OLA1: variants seen among roughly 807,000 people sequenced by gnomAD.
OLA1 encodes the protein obg-like ATPase 1.
OLA1 carries 14 observed loss-of-function variants against 48.4 expected under a neutral mutation model. That is an observed-to-expected ratio of 0.29 (90% confidence interval 0.19 to 0.45). The LOEUF (loss-of-function observed/expected upper bound fraction) is 0.45, where lower values mean the gene tolerates loss of function less well. Ranked by LOEUF, OLA1 falls within the 20% of genes least tolerant of loss-of-function variation. The probability of loss-of-function intolerance (pLI) is 1.00; values close to 1 mark genes in which losing one functional copy is unlikely to be tolerated. For missense variants in OLA1, 325 were observed against 467.1 expected (o/e 0.70, Z 2.80); for synonymous variants, 127 against 150.4 (o/e 0.84, Z 1.14).
At chr2:174,173,521 C>T in intron 4 of OLA1, among the ~76,000 whole-genome samples, 1 of 151,386 alleles carries the variant, frequency 6.6e-6, no homozygotes, top group South Asian at 2.1e-4. Context: ...TTTTTAAGAA[C>T]TTCATTTTAA....
At chr2:174,215,017 T>C (rs1574556479) in intron 4 of OLA1, among the ~76,000 whole-genome samples, 1 of 148,560 alleles carries the variant, frequency 6.7e-6, no homozygotes, top group Non-Finnish European at 1.5e-5. Context: ...GCCATTACAC[T>C]CCAGCCTGGG....
chr2:174,248,352 T>G (rs902590991), intron 1 of OLA1, 100 bp downstream of exon 1: 2 of 154,072 alleles, frequency 1.3e-5, no homozygotes, highest in African/African-American at 2.4e-5. Context: ...TGGCCCCATC[T>G]TGGCCACTGG....
intron 5 of OLA1, among the ~76,000 whole-genome samples, chr2:174,137,062 TAGTTAC>T: frequency 6.6e-6 from 1 of 152,150 alleles, no homozygotes; most frequent in Admixed American, 6.6e-5. Flanking sequence ...CTACCTATGA[TAGTTAC>T]AGTCTTATGA....
chr2:174,121,913 T>C (rs1279377743), intron 7 of OLA1, among the ~76,000 whole-genome samples: 1 of 152,208 alleles, frequency 6.6e-6, no homozygotes, highest in Admixed American at 6.5e-5. Context: ...ATGTCTGTAT[T>C]GTTTCACAGA....
At chr2:174,124,408 CT>C (rs1685999939) in intron 5 of OLA1, 1 of 152,182 alleles carries the variant, frequency 6.6e-6, no homozygotes, top group Non-Finnish European at 1.5e-5. Context: ...GCCCAATGTG[CT>C]TTGTTTCTCT....
chr2:174,102,619 T>C (rs1455689561), intron 7 of OLA1, among the ~76,000 whole-genome samples: 1 of 152,150 alleles, frequency 6.6e-6, no homozygotes, highest in African/African-American at 2.4e-5. Flanking sequence ...CATGATCTAC[T>C]TTCCAGACTA....
intron 4 of OLA1, among the ~76,000 whole-genome samples, chr2:174,159,313 T>C (rs543156310): frequency 3.3e-4 from 50 of 152,304 alleles, no homozygotes; most frequent in Non-Finnish European, 5.9e-4. Context: ...GCCACGGCTA[T>C]ATTGGTCTAC....
chr2:174,104,174 A>G (rs1685461297), intron 7 of OLA1, among the ~76,000 whole-genome samples: 1 of 151,850 alleles, frequency 6.6e-6, no homozygotes, highest in Non-Finnish European at 1.5e-5. Context: ...ACACAACACT[A>G]TATAATTACT....
intron 7 of OLA1, among the ~76,000 whole-genome samples, chr2:174,092,041 C>T (rs191879169): frequency 6.0e-5 from 9 of 149,844 alleles, no homozygotes; most frequent in Admixed American, 3.3e-4. Flanking sequence ...AACAGAGAAT[C>T]ACTTGAACCT....
chr2:174,226,878 C>A (rs1001259910), intron 3 of OLA1, among the ~76,000 whole-genome samples: 1 of 152,002 alleles, frequency 6.6e-6, no homozygotes, highest in Non-Finnish European at 1.5e-5. Flanking sequence ...ATTACTTGAG[C>A]CCAGGAGTTC....
At chr2:174,178,594 T>A (rs1420602442) in intron 4 of OLA1, among the ~76,000 whole-genome samples, 1 of 152,014 alleles carries the variant, frequency 6.6e-6, no homozygotes, top group African/African-American at 2.4e-5. Context: ...GCATGCGTTA[T>A]GTCAGCTAAC....
chr2:174,120,847 CCT>C (rs1484292080), intron 7 of OLA1, among the ~76,000 whole-genome samples: 1 of 152,138 alleles, frequency 6.6e-6, no homozygotes, highest in Non-Finnish European at 1.5e-5. Context: ...CCTCTCCTCT[CCT>C]CTTTCTTGAT....
chr2:174,213,843 T>C (rs1688301915), intron 4 of OLA1, among the ~76,000 whole-genome samples: 1 of 152,142 alleles, frequency 6.6e-6, no homozygotes, highest in Admixed American at 6.5e-5. Flanking sequence ...TCATTAGCAA[T>C]GTCATTTGTA....
intron 5 of OLA1, chr2:174,124,335 G>A (rs1399755276): frequency 1.3e-5 from 2 of 152,068 alleles, no homozygotes; most frequent in East Asian, 3.9e-4. Context: ...CTCTCTGCTG[G>A]AAATCTAAAG....
At chr2:174,163,769 TA>T (rs556766142) in intron 4 of OLA1, among the ~76,000 whole-genome samples, 8 of 28,580 alleles carry the variant, frequency 2.8e-4, no homozygotes, top group Non-Finnish European at 3.9e-4. Context: ...TATATATATA[TA>T]TATATAAATA....
intron 4 of OLA1, among the ~76,000 whole-genome samples, chr2:174,146,027 GA>G (rs1232607735): frequency 2.0e-5 from 3 of 152,218 alleles, no homozygotes; most frequent in Non-Finnish European, 4.4e-5. Flanking sequence ...CGGCCAGAGG[GA>G]GGCAGTAATG....
chr2:174,234,973 G>A (rs925554697), intron 2 of OLA1, among the ~76,000 whole-genome samples: 7 of 152,178 alleles, frequency 4.6e-5, no homozygotes, highest in African/African-American at 1.2e-4. Flanking sequence ...AACCTGGTCA[G>A]TATGATGAAA....
At chr2:174,193,640 G>A (rs1687822886) in intron 4 of OLA1, among the ~76,000 whole-genome samples, 1 of 152,104 alleles carries the variant, frequency 6.6e-6, no homozygotes, top group African/African-American at 2.4e-5. Context: ...GTTACCCTGA[G>A]TATACTACAG....
At chr2:174,191,375 C>T (rs565825177) in intron 4 of OLA1, among the ~76,000 whole-genome samples, 1 of 152,226 alleles carries the variant, frequency 6.6e-6, no homozygotes, top group East Asian at 1.9e-4. Flanking sequence ...AAGTCTAAAA[C>T]ACAATGTCCC....
Sources: gnomAD v4.1 joint callset for allele counts (sites outside exome capture counted in the v4.1 genomes callset) on GRCh38, gnomAD v4.1.1 for gene constraint, MANE v1.5 for transcripts, NCBI Gene and HGNC (gene_info 2026-07-23, HGNC 2026-07-21) for gene names.